The following ZC3H14 variants were observed in gnomAD, a reference collection of about 807,000 sequenced individuals.
ZC3H14 encodes zinc finger CCCH domain-containing protein 14.
In ZC3H14, 31 loss-of-function variants were observed where a neutral mutation model predicts 92.4. The ratio of observed to expected loss-of-function variants is 0.34; its 90% CI spans 0.25 to 0.45. ZC3H14 has a LOEUF of 0.45. ZC3H14 is among the 20% of genes least tolerant of loss of function. The pLI, the probability that ZC3H14 is intolerant of heterozygous loss-of-function variation, is 1.00. For missense variants in ZC3H14, 781 were observed against 897.3 expected (o/e 0.87, Z 1.66); for synonymous variants, 321 against 300.9 (o/e 1.07, Z -0.69).
chr14:88,594,498 C>T (rs1310608731), intron 9 of ZC3H14: 13 of 1,370,290 alleles, frequency 9.5e-6, no homozygotes, highest in Non-Finnish European at 1.2e-5. Flanking sequence ...TGGTCTGGTA[C>T]GTTTAGCTTT....
chr14:88,618,136 T>G lies in ZC3H14; in HGVS notation c.*6385T>G. The G allele has an allele frequency of 9.9e-7, 1 of 1,012,302 alleles. No individual in the cohort carries two copies. The highest frequency in any genetic ancestry group is 1.5e-6 in the Non-Finnish European group (1 of 681,080). The allele number at this position is 1,012,302 out of a possible 1,614,324, so 62.7% of individuals were successfully genotyped here. On this transcript the variant is annotated 3_prime_UTR_variant, in exon 17 of 17. Coordinates refer to ENST00000251038, the MANE Select transcript of ZC3H14 (RefSeq NM_024824.5). ...CAAAAACTTGAAACTCAATTACTAT[T>G]CCTTATTGGAATGGCTCTAACAGTT...
chr14:88,566,017 G>GCCCCCCCCCCCC (rs2079532433), intron 2 of ZC3H14, among the ~76,000 whole-genome samples: 1 of 13,398 alleles, frequency 7.5e-5, no homozygotes, highest in African/African-American at 1.7e-4. Context: ...ACAGGCACCT[G>GCCCCCCCCCCCC]CCACCACCCC....
At chr14:88,597,202 C>G (rs1224714239) in intron 10 of ZC3H14, among the ~76,000 whole-genome samples, 1 of 152,094 alleles carries the variant, frequency 6.6e-6, no homozygotes, top group African/African-American at 2.4e-5. Flanking sequence ...ATTTTGGAGT[C>G]TTATCACCAG....
chr14:88,590,630 G>T lies in ZC3H14; in HGVS notation c.1280-6104G>T, dbSNP rs1349236509. The T allele has an allele frequency of 2.0e-5, 3 of 152,266 alleles. No homozygotes were observed. In the East Asian group the frequency reaches 5.8e-4, roughly 29 times the overall value. 9.4% of individuals were successfully genotyped at this position (152,266 alleles called of 1,614,324 possible). On this transcript the variant is annotated intron_variant, in intron 9 of 16. Coordinates refer to ENST00000251038, the MANE Select transcript of ZC3H14 (RefSeq NM_024824.5). ...CATCAAATACATATTTTATGTTTTTGTAGTTTAGGTATTTTTATCCGAACG... is the reference window on the plus strand; with the variant it reads ...CATCAAATACATATTTTATGTTTTTTTAGTTTAGGTATTTTTATCCGAACG...
chr14:88,575,203 G>A (rs2081001613), intron 7 of ZC3H14, among the ~76,000 whole-genome samples: 1 of 152,144 alleles, frequency 6.6e-6, no homozygotes, highest in Non-Finnish European at 1.5e-5. Flanking sequence ...TTCCCAAAGT[G>A]TTGGGATTAC....
chr14:88,598,568 A>G (rs1339722615), intron 10 of ZC3H14, among the ~76,000 whole-genome samples: 1 of 152,174 alleles, frequency 6.6e-6, no homozygotes, highest in Admixed American at 6.5e-5. Flanking sequence ...CACTTTCTCC[A>G]AGGGAGAATG....
intron 1 of ZC3H14, 116 bp from the exon 2 acceptor site, chr14:88,563,535 C>A (rs1252780458): frequency 6.3e-7 from 1 of 1,582,472 alleles, no homozygotes; most frequent in African/African-American, 1.3e-5. Context: ...CTCCCAGCCC[C>A]CGCCCGGGGG....
At chr14:88,575,082 G>T (rs1467051291) in intron 7 of ZC3H14, among the ~76,000 whole-genome samples, 2 of 152,114 alleles carry the variant, frequency 1.3e-5, no homozygotes, top group Non-Finnish European at 1.5e-5. Flanking sequence ...GATTATAGGT[G>T]TGCACTACCA....
Position 88,601,951 on chromosome 14 carries a change from A to G in ZC3H14, c.1382A>G (p.His461Arg), listed in dbSNP as rs1595050044. ...QDYYDMESMVHADTRSFILKK... is the reference protein window; with the variant it reads ...QDYYDMESMVRADTRSFILKK... The stretch of plus-strand genomic sequence containing the variant: ...TACTATGACATGGAATCCATGGTCC[A>G]TGCAGACACAAGATCATTTATTCTG... Residue 461 changes from histidine to arginine, a missense_variant, in exon 11 of 17, where the codon CAT becomes CGT. By Grantham distance (29) the His-to-Arg change is conservative (BLOSUM62 0). Coordinates refer to ENST00000251038, the MANE Select transcript of ZC3H14 (RefSeq NM_024824.5). 6.2e-7 allele frequency: 1 copy of G among 1,614,158 alleles called. No homozygotes were observed. The highest frequency in any genetic ancestry group is 8.5e-7 in the Non-Finnish European group (1 of 1,179,986).
chr14:88,596,465 G>A (rs1210778762), intron 9 of ZC3H14, among the ~76,000 whole-genome samples: 4 of 152,112 alleles, frequency 2.6e-5, no homozygotes, highest in African/African-American at 4.8e-5. Context: ...TACTTTCCCC[G>A]CAGAATTCAA....
chr14:88,585,824 T>C (rs983874972), intron 9 of ZC3H14, among the ~76,000 whole-genome samples: 2 of 152,224 alleles, frequency 1.3e-5, no homozygotes, highest in Non-Finnish European at 2.9e-5. Context: ...GCTTCAGTCT[T>C]TATCCTCCTC....
chr14:88,563,602 T>G (rs912279924), intron 1 of ZC3H14, 49 bp from the exon 2 acceptor site: 1 of 1,609,620 alleles, frequency 6.2e-7, no homozygotes, highest in Non-Finnish European at 8.5e-7. Flanking sequence ...CCGGTCTTGT[T>G]TTCCTAGAGC....
rs2087015990 is a variant in ZC3H14, at chr14:88,612,975, C to T, written c.*1224C>T. 2 of 122,648 alleles carry T rather than the reference C, an allele frequency of 1.6e-5. No homozygotes were observed. The highest frequency in any genetic ancestry group is 3.5e-5 in the Non-Finnish European group (2 of 57,230). 7.6% of individuals were successfully genotyped at this position (122,648 alleles called of 1,614,324 possible). ...GCAACATTCTCAGGACCAAATTAAA[C>T]TGCTAAAAAAAAAAAAAAAGTTCAT... On this transcript the variant is annotated 3_prime_UTR_variant, in exon 17 of 17. Transcript: ENST00000251038.
rs372186264 is a variant in ZC3H14, at chr14:88,618,643, A to G, written c.*6892A>G. ...TGCCACCTGGGTATACAGTATTGGTACTGTACCTGGAGATAACTGCTATCT... is the reference window on the plus strand; with the variant it reads ...TGCCACCTGGGTATACAGTATTGGTGCTGTACCTGGAGATAACTGCTATCT... On this transcript the variant is annotated 3_prime_UTR_variant, in exon 17 of 17. Coordinates refer to ENST00000251038, the MANE Select transcript of ZC3H14 (RefSeq NM_024824.5). 8.2e-5 allele frequency: 132 copies of G among 1,611,778 alleles called. No individual in the cohort carries two copies. The African/African-American group carries it at 1.3e-3, about 16-fold the overall frequency.
At chr14:88,575,775 G>T (rs1425962369) in intron 7 of ZC3H14, 65 bp from the exon 8 acceptor site, 2 of 1,367,222 alleles carry the variant, frequency 1.5e-6, no homozygotes, top group Non-Finnish European at 2.1e-6. Context: ...AGGCATAATA[G>T]ATGGCTGGCC....
In ZC3H14 at chr14:88,572,644, A is replaced by G; in HGVS notation, c.498A>G (p.Ala166=). The change falls in exon 6 of 17, where the codon GCA becomes GCG. Residue 166 remains alanine, a synonymous_variant. Transcript: ENST00000251038. ...MSTVKPLREP[A]PSEDVIDIKP... is the part of the protein sequence containing the mutation. ...CAGTGAAACCTTTGAGGGAGCCAGCACCCTCTGAAGATGTGATTGATATTA... is the reference window on the plus strand; with the variant it reads ...CAGTGAAACCTTTGAGGGAGCCAGCGCCCTCTGAAGATGTGATTGATATTA... 6 of 1,614,210 alleles carry G rather than the reference A, an allele frequency of 3.7e-6. No homozygotes were observed. The highest frequency in any genetic ancestry group is 5.1e-6 in the Non-Finnish European group (6 of 1,180,040).
At position 88,619,924 on chromosome 14, in the gene ZC3H14, C is replaced by G. The variant is rs1422169172; in HGVS notation, c.*8173C>G. 1 of 152,194 alleles carries G rather than the reference C, an allele frequency of 6.6e-6. No individual in the cohort carries two copies. The highest frequency in any genetic ancestry group is 2.4e-5 in the African/African-American group (1 of 41,422). 9.4% of individuals were successfully genotyped at this position (152,194 alleles called of 1,614,324 possible). A position where few individuals can be genotyped will look rare whatever the true frequency, so the allele number is the denominator to read the frequency against. ...AGGTGATCTGCCTGCCTCGGCCTCC[C>G]AAAGTGCTGGGATTACAGGCATGAG... On this transcript the variant is annotated 3_prime_UTR_variant, in exon 17 of 17. Transcript: ENST00000251038.
At chr14:88,584,607 T>G (rs1209988075) in intron 9 of ZC3H14, among the ~76,000 whole-genome samples, 1 of 152,218 alleles carries the variant, frequency 6.6e-6, no homozygotes, top group Non-Finnish European at 1.5e-5. Flanking sequence ...TCCTGTTGCT[T>G]TATGGTAAGC....
Position 88,594,920 on chromosome 14 carries a change from C to G in ZC3H14, c.1280-1814C>G, listed in dbSNP as rs761819397. 4 of 1,613,832 alleles carry G rather than the reference C, an allele frequency of 2.5e-6. No individual in the cohort carries two copies. In the South Asian group the frequency reaches 4.4e-5, roughly 18 times the overall value. ...AAAGCAGCTATTTTGACAGTGGAAG[C>G]AAATCTTTTTGATCTAAATGTTAGA... On this transcript the variant is annotated intron_variant, in intron 9 of 16. Coordinates refer to ENST00000251038, the MANE Select transcript of ZC3H14 (RefSeq NM_024824.5).
Sources: gnomAD v4.1 joint callset for allele counts (sites outside exome capture counted in the v4.1 genomes callset) on GRCh38, gnomAD v4.1.1 for gene constraint, MANE v1.5 for transcripts, NCBI Gene and HGNC (gene_info 2026-07-23, HGNC 2026-07-21) for gene names.